The following IQGAP2 variants were observed in gnomAD, a reference collection of about 807,000 sequenced individuals.
The protein encoded by IQGAP2 is ras GTPase-activating-like protein IQGAP2.
IQGAP2 carries 173 observed loss-of-function variants against 201.3 expected under a neutral mutation model. The ratio of observed to expected loss-of-function variants is 0.86; its 90% CI spans 0.76 to 0.98. The LOEUF (loss-of-function observed/expected upper bound fraction) is 0.98. Ranked by LOEUF, IQGAP2 falls within the 50% of genes least tolerant of loss-of-function variation. The probability of loss-of-function intolerance (pLI) is 0.00; values close to 1 mark genes in which losing one functional copy is unlikely to be tolerated. For missense variants in IQGAP2, 1,687 were observed against 1,864.8 expected (o/e 0.90, Z 1.76); for synonymous variants, 675 against 673.9 (o/e 1.00, Z -0.03).
intron 2 of IQGAP2, among the ~76,000 whole-genome samples, chr5:76,470,453 G>A (rs903805268): frequency 2.6e-5 from 4 of 152,186 alleles, no homozygotes; most frequent in African/African-American, 9.7e-5. Context: ...ATGGACCCCA[G>A]AAAGGGAATT....
At chr5:76,554,585 G>A (rs1428128423) in intron 2 of IQGAP2, among the ~76,000 whole-genome samples, 1 of 152,114 alleles carries the variant, frequency 6.6e-6, no homozygotes, top group Non-Finnish European at 1.5e-5. Context: ...TAGCCATCAG[G>A]GAAATGAAAA....
chr5:76,415,270 C>A (rs1197208787), intron 1 of IQGAP2, among the ~76,000 whole-genome samples: 1 of 152,220 alleles, frequency 6.6e-6, no homozygotes, highest in Non-Finnish European at 1.5e-5. Context: ...AGGACTGTAT[C>A]TTTTGGTCAA....
Position 76,444,578 on chromosome 5 carries a change from C to A in IQGAP2, c.47-16992C>A, listed in dbSNP as rs563257406. 3.9e-5 allele frequency among the ~76,000 whole-genome samples: 6 copies of A among 152,268 alleles called. No individual in the cohort carries two copies. In the East Asian group the frequency reaches 1.2e-3, roughly 29 times the overall value. Reference sequence around the variant, plus strand: ...CCTCCCAAATTGCTGGGATTACAGGCGTGAGCCACTGTGCCTGGCCAAAAT... The same window carrying A: ...CCTCCCAAATTGCTGGGATTACAGGAGTGAGCCACTGTGCCTGGCCAAAAT... On this transcript the variant is annotated intron_variant, in intron 1 of 35. Coordinates refer to ENST00000274364, the MANE Select transcript of IQGAP2 (RefSeq NM_006633.5).
At chr5:76,677,498 A>G (rs950243341) in intron 28 of IQGAP2, 148 bp downstream of exon 28, 1 of 603,352 alleles carries the variant, frequency 1.7e-6, no homozygotes, top group Non-Finnish European at 2.7e-6. Flanking sequence ...TATTTATTCC[A>G]TGACTCTTAT....
chr5:76,655,486 C>T lies in IQGAP2; in HGVS notation c.2320+483C>T, dbSNP rs529821540. On this transcript the variant is annotated intron_variant, in intron 20 of 35. Coordinates refer to ENST00000274364, the MANE Select transcript of IQGAP2 (RefSeq NM_006633.5). ...GTTTTGAGACAGAGTCTCACACTGTCGCCCAGGCTGGAATGCAGTGGCGCA... is the reference window on the plus strand; with the variant it reads ...GTTTTGAGACAGAGTCTCACACTGTTGCCCAGGCTGGAATGCAGTGGCGCA... Among the ~76,000 whole-genome samples, 96 of 152,268 alleles carry T rather than the reference C, an allele frequency of 6.3e-4. 1 individual carries two copies. Among genetic ancestry groups the T allele is most frequent in the African/African-American group, 2.1e-3 (88 of 41,558 alleles).
chr5:76,496,767 TTC>T lies in IQGAP2; in HGVS notation c.146+35100_146+35101del, dbSNP rs1561416636. 9.3e-4 allele frequency among the ~76,000 whole-genome samples: 113 copies of T among 121,078 alleles called. 2 individuals carry two copies. Among genetic ancestry groups the T allele is most frequent in the African/African-American group, 4.1e-3 (103 of 25,204 alleles). 79.4% of individuals were successfully genotyped at this position (121,078 alleles called of 152,430 possible). On this transcript the variant is annotated intron_variant, in intron 2 of 35. Coordinates refer to ENST00000274364, the MANE Select transcript of IQGAP2 (RefSeq NM_006633.5). ...TTTCTTTCTTTCTTTCTTTCTTTCT[TTC>T]TTTCTTTCTTTCTTTCTTTCTTTCT... is the stretch of plus-strand genomic sequence containing the variant.
chr5:76,683,915 A>G lies in IQGAP2; in HGVS notation c.3903A>G (p.Ile1301Met). ...CTATAGATAGCCGAAGCCTCATGAT[A>G]AAGTAAGTTTGGGGGTTAAAGGGCA... ...GEAIDSRSLM[I>M]KTKKLIIDVI... Residue 1301 changes from isoleucine to methionine, a missense_variant and splice_region_variant, in exon 30 of 36, where the codon ATA (isoleucine) becomes ATG (methionine). Transcript: ENST00000274364. The G allele has an allele frequency of 6.2e-7, 1 of 1,608,248 alleles. No individual in the cohort carries two copies. The highest frequency in any genetic ancestry group is 8.5e-7 in the Non-Finnish European group (1 of 1,176,902).
intron 1 of IQGAP2, among the ~76,000 whole-genome samples, chr5:76,440,427 T>G (rs1752960468): frequency 6.6e-6 from 1 of 152,170 alleles, no homozygotes; most frequent in African/African-American, 2.4e-5. Flanking sequence ...ATACATTAAT[T>G]GAGTTGAAGG....
chr5:76,620,529 G>A (rs189876761), intron 13 of IQGAP2, among the ~76,000 whole-genome samples: 233 of 152,298 alleles, frequency 1.5e-3, no homozygotes, highest in African/African-American at 5.4e-3. Flanking sequence ...GTCTGACTGA[G>A]GATGAGTTGC....
At chr5:76,550,994 C>T (rs1561455941) in intron 2 of IQGAP2, among the ~76,000 whole-genome samples, 1 of 151,066 alleles carries the variant, frequency 6.6e-6, no homozygotes, top group Middle Eastern at 3.5e-3. Flanking sequence ...CTGCCCCCCA[C>T]CTCCCTCCCG....
Position 76,707,402 on chromosome 5 carries a change from C to A in IQGAP2, c.*89C>A. On this transcript the variant is annotated 3_prime_UTR_variant, in exon 36 of 36. Transcript: ENST00000274364. ...TTTTGTTTTTAAACATGATTGAAAT[C>A]ACTGCTTATAAATGTGTGATTTTTT... The A allele has an allele frequency of 1.4e-6, 1 of 706,000 alleles. No homozygotes were observed. The highest frequency in any genetic ancestry group is 2.5e-6 in the Non-Finnish European group (1 of 397,024). The allele number at this position is 706,000 out of a possible 1,614,324, so 43.7% of individuals were successfully genotyped here.
At chr5:76,485,465 T>C (rs10942782) in intron 2 of IQGAP2, among the ~76,000 whole-genome samples, 72,392 of 152,072 alleles carry the variant, frequency 0.48, 17,552 homozygotes, top group Admixed American at 0.52. Context: ...CAAACCTTTT[T>C]TCCCCCCTTG....
intron 4 of IQGAP2, among the ~76,000 whole-genome samples, chr5:76,572,891 A>G (rs932193928): frequency 1.2e-4 from 18 of 152,230 alleles, no homozygotes; most frequent in African/African-American, 4.1e-4. Context: ...TAATTTATTA[A>G]TGCCCATTTT....
chr5:76,496,714 TTCTTTCTTTCTTTTCTTTCTTTCTTTC>T (rs1386948472), intron 2 of IQGAP2, among the ~76,000 whole-genome samples: 1 of 18,016 alleles, frequency 5.6e-5, no homozygotes, highest in Admixed American at 7.2e-4. Context: ...CTTTCTTTCT[TTCTTTCTTTCTTTTCTTTCTTTCTTTC>T]TTTCTTTCTT....
Position 76,643,900 on chromosome 5 carries a change from G to A in IQGAP2, c.2094+2797G>A, listed in dbSNP as rs751557773. Among the ~76,000 whole-genome samples, 13 of 146,810 alleles carry A rather than the reference G, an allele frequency of 8.9e-5. No individual in the cohort carries two copies. In the East Asian group the frequency reaches 1.0e-3, roughly 11 times the overall value. On this transcript the variant is annotated intron_variant, in intron 17 of 35. Transcript: ENST00000274364. The stretch of plus-strand genomic sequence containing the variant: ...GGTCCTCAGTTGTTTTAATGTAACC[G>A]ACTGCTCTTATAGATGGCTGGATTT...
chr5:76,481,094 T>A (rs1317933105), intron 2 of IQGAP2, among the ~76,000 whole-genome samples: 1 of 152,034 alleles, frequency 6.6e-6, no homozygotes, highest in Non-Finnish European at 1.5e-5. Context: ...GACTTAATCA[T>A]CTCCTAAAGG....
At chr5:76,551,091 G>A (rs1173251320) in intron 2 of IQGAP2, among the ~76,000 whole-genome samples, 3 of 150,230 alleles carry the variant, frequency 2.0e-5, no homozygotes, top group African/African-American at 7.4e-5. Flanking sequence ...TTCCCAGACG[G>A]GGCGGCTGCG....
intron 30 of IQGAP2, among the ~76,000 whole-genome samples, chr5:76,692,613 C>T (rs1746367007): frequency 6.6e-6 from 1 of 152,172 alleles, no homozygotes; most frequent in Admixed American, 6.5e-5. Context: ...CCATAAAGAA[C>T]ACCTATGAGA....
chr5:76,610,830 A>T (rs1418133387), intron 12 of IQGAP2, among the ~76,000 whole-genome samples, 190 bp from the exon 13 acceptor site: 1 of 152,110 alleles, frequency 6.6e-6, no homozygotes, highest in Non-Finnish European at 1.5e-5. Context: ...CAGTCTTATG[A>T]ATTGAATGTG....
Sources: gnomAD v4.1 joint callset for allele counts (sites outside exome capture counted in the v4.1 genomes callset) on GRCh38, gnomAD v4.1.1 for gene constraint, MANE v1.5 for transcripts, NCBI Gene and HGNC (gene_info 2026-07-23, HGNC 2026-07-21) for gene names.